Variants in SMYD3 observed in about 807,000 individuals in gnomAD.
SMYD3 encodes the protein SET and MYND domain containing 3, also known as histone-lysine N-methyltransferase SMYD3.
A neutral mutation model predicts 57.7 loss-of-function variants in SMYD3; 36 were observed. That is an observed-to-expected ratio of 0.62 (90% CI 0.48 to 0.82). The LOEUF is 0.82. SMYD3 is among the 40% of genes least tolerant of loss of function. SMYD3 has a pLI of 0.00. For missense variants in SMYD3, 515 were observed against 538.8 expected, an observed-to-expected ratio of 0.96 and a Z score of 0.44; for synonymous variants, 211 against 195.0, an observed-to-expected ratio of 1.08 and a Z score of -0.68.
chr1:246,452,732 T>A (rs1325845448), intron 1 of SMYD3, among the ~76,000 whole-genome samples: 2 of 152,162 alleles, frequency 1.3e-5, no homozygotes, highest in African/African-American at 4.8e-5. Context: ...CAAATAGACA[T>A]GATGAAATTT....
intron 5 of SMYD3, among the ~76,000 whole-genome samples, chr1:246,032,035 G>A (rs967933076): frequency 6.6e-6 from 1 of 152,106 alleles, no homozygotes. Context: ...TTTTGTGGCT[G>A]TAATTTTCTC....
intron 11 of SMYD3, among the ~76,000 whole-genome samples, chr1:245,762,837 A>G (rs1382353633): frequency 6.6e-6 from 1 of 152,080 alleles, no homozygotes; most frequent in Non-Finnish European, 1.5e-5. Context: ...AGCAACCCTG[A>G]CGCCCGATCC....
chr1:246,294,644 G>A (rs2064759669), intron 5 of SMYD3, among the ~76,000 whole-genome samples: 1 of 151,402 alleles, frequency 6.6e-6, no homozygotes, highest in Non-Finnish European at 1.5e-5. Context: ...TGTTGCCCAT[G>A]TTGGCGTGCA....
intron 10 of SMYD3, chr1:245,814,412 T>TCAA: frequency 1.0e-6 from 1 of 983,690 alleles, no homozygotes; most frequent in Non-Finnish European, 1.2e-6. Flanking sequence ...CTGGTCTTCT[T>TCAA]CAACTGGGGG....
chr1:246,348,077 T>TATATACACATAC, intron 2 of SMYD3, among the ~76,000 whole-genome samples: 1 of 86,522 alleles, frequency 1.2e-5, no homozygotes, highest in South Asian at 3.3e-4. Flanking sequence ...TATATATATA[T>TATATACACATAC]ACACACACAC....
chr1:246,244,382 T>C (rs934393957), intron 5 of SMYD3, among the ~76,000 whole-genome samples: 58 of 150,886 alleles, frequency 3.8e-4, no homozygotes, highest in African/African-American at 1.4e-3. Context: ...CTTGTGAGTG[T>C]GGAAAAAAAA....
intron 10 of SMYD3, among the ~76,000 whole-genome samples, chr1:245,788,155 G>A (rs1042743238): frequency 6.6e-6 from 1 of 152,066 alleles, no homozygotes; most frequent in African/African-American, 2.4e-5. Flanking sequence ...AGGGCAAGGG[G>A]AATGGTGACC....
At chr1:246,162,813 A>G (rs2062144550) in intron 5 of SMYD3, among the ~76,000 whole-genome samples, 1 of 152,182 alleles carries the variant, frequency 6.6e-6, no homozygotes, top group South Asian at 2.1e-4. Flanking sequence ...CTCACTTGTT[A>G]CTAAATATTT....
rs558122404 is a variant in SMYD3, at chr1:245,775,034, C to T, written c.1077-10885G>A. Among the ~76,000 whole-genome samples the T allele has an allele frequency of 8.5e-5, 13 of 152,186 alleles. No homozygotes were observed. In the East Asian group the frequency reaches 1.9e-3, roughly 23 times the overall value. ...TGGTGCCCAGGCTGGAGTGCAGTGG[C>T]GTGATCTCGGCTGGCTACAACCTCC... On this transcript the variant is annotated intron_variant, in intron 10 of 11. Transcript: ENST00000490107.
chr1:246,008,299 G>A (rs950411375), intron 5 of SMYD3, among the ~76,000 whole-genome samples: 6 of 152,224 alleles, frequency 3.9e-5, no homozygotes, highest in Admixed American at 2.6e-4. Flanking sequence ...AGCGGTGTTG[G>A]AGAAACATCA....
intron 5 of SMYD3, among the ~76,000 whole-genome samples, chr1:246,241,339 A>G (rs1049129326): frequency 1.3e-5 from 2 of 152,302 alleles, no homozygotes; most frequent in African/African-American, 2.4e-5. Context: ...TTCTGCATCT[A>G]TTGAGATAAT....
At chr1:246,233,040 G>C (rs12735122) in intron 5 of SMYD3, among the ~76,000 whole-genome samples, 1 of 110,208 alleles carries the variant, frequency 9.1e-6, no homozygotes, top group African/African-American at 3.3e-5. Context: ...TACCACACAG[G>C]GGAGAAGCAC....
At chr1:245,940,346 C>G (rs567437431) in intron 5 of SMYD3, among the ~76,000 whole-genome samples, 1 of 152,180 alleles carries the variant, frequency 6.6e-6, no homozygotes, top group Non-Finnish European at 1.5e-5. Flanking sequence ...GACCTCCCAA[C>G]TGGGGTCACT....
At chr1:246,013,072 C>A (rs2059313043) in intron 5 of SMYD3, among the ~76,000 whole-genome samples, 1 of 152,176 alleles carries the variant, frequency 6.6e-6, no homozygotes, top group South Asian at 2.1e-4. Flanking sequence ...GAAGACAAGA[C>A]CACGTTTCCT....
At position 246,355,062 on chromosome 1, in the gene SMYD3, C is replaced by T. The variant is rs769227482; in HGVS notation, c.197G>A (p.Arg66His). 78 of 1,613,942 alleles carry T rather than the reference C, an allele frequency of 4.8e-5. No individual in the cohort carries two copies. The highest frequency in any genetic ancestry group is 6.7e-5 in the East Asian group (3 of 44,892). Residue 66 changes from arginine (R) to histidine (H), a missense_variant, in exon 2 of 12, where the codon CGC (arginine) becomes CAC (histidine). Coordinates refer to ENST00000490107, the MANE Select transcript of SMYD3 (RefSeq NM_001167740.2). This position sits in a 1 kb window ranked among gnomAD's most constrained non-coding sequence, Gnocchi z 5.0. ...KEKLMRCSQC[R>H]VAKYCSAKCQ... The stretch of plus-strand genomic sequence containing the variant: ...CTTAGCACTACAGTATTTGGCGACG[C>T]GGCACTGAGAGCATCGCATCAGCTT...
chr1:246,084,013 T>G (rs544099782), intron 5 of SMYD3, among the ~76,000 whole-genome samples: 4 of 152,158 alleles, frequency 2.6e-5, no homozygotes, highest in Non-Finnish European at 4.4e-5. Flanking sequence ...CAAGGATTTT[T>G]TTTTAATACT....
At chr1:245,764,299 A>G (rs2045979092) in intron 10 of SMYD3, 150 bp from the exon 11 acceptor site, 1 of 616,642 alleles carries the variant, frequency 1.6e-6, no homozygotes, top group African/African-American at 1.8e-5. Flanking sequence ...AGGAGAATGC[A>G]GTACTGAGGG....
At chr1:246,359,962 G>A (rs60041832) in intron 1 of SMYD3, among the ~76,000 whole-genome samples, 23,667 of 152,066 alleles carry the variant, frequency 0.16, 2,091 homozygotes, top group East Asian at 0.3. Flanking sequence ...CCTAGCCAGA[G>A]CAATCAGACA....
chr1:246,440,470 A>G (rs1465907130), intron 1 of SMYD3, among the ~76,000 whole-genome samples: 1 of 152,178 alleles, frequency 6.6e-6, no homozygotes, highest in Non-Finnish European at 1.5e-5. Flanking sequence ...ATCAATATCT[A>G]ATGATATTTT....
Sources: allele counts gnomAD v4.1 joint callset (sites outside exome capture counted in the v4.1 genomes callset), GRCh38; gene constraint gnomAD v4.1.1; non-coding constraint Gnocchi (gnomAD v3.1); transcripts MANE v1.5; gene names NCBI Gene and HGNC (gene_info 2026-07-23, HGNC 2026-07-21).